STPG2: variants seen among roughly 807,000 people sequenced by gnomAD.
The protein encoded by STPG2 is sperm tail PG-rich repeat containing 2, also known as sperm-tail PG-rich repeat-containing protein 2.
In STPG2, 56 loss-of-function variants were observed where a neutral mutation model predicts 54.2. That is an observed-to-expected ratio of 1.03 (90% CI 0.83 to 1.29). The LOEUF (loss-of-function observed/expected upper bound fraction) is 1.29. Among genes scored for constraint, STPG2 ranks in the 50% most tolerant of loss-of-function variants. The pLI is 0.00. For synonymous variants in STPG2, 200 were observed against 181.8 expected (o/e 1.10, Z -0.81); for missense variants, 596 against 544.9 (o/e 1.09, Z -0.93).
intron 5 of STPG2, among the ~76,000 whole-genome samples, chr4:98,053,977 C>A (rs1737407607): frequency 6.6e-6 from 1 of 151,998 alleles, no homozygotes; most frequent in Non-Finnish European, 1.5e-5. Context: ...TAATTCAAAC[C>A]AAATTTATTA....
intron 4 of STPG2, among the ~76,000 whole-genome samples, chr4:97,459,700 C>T (rs1245144171): frequency 1.3e-5 from 2 of 152,084 alleles, no homozygotes; most frequent in Non-Finnish European, 2.9e-5. Context: ...CTCGGCCTCC[C>T]AAAGTGCTGG....
chr4:97,497,414 A>T (rs937065525), intron 4 of STPG2, among the ~76,000 whole-genome samples: 1 of 151,892 alleles, frequency 6.6e-6, no homozygotes, highest in Admixed American at 6.6e-5. Flanking sequence ...TTCTAGTATG[A>T]CAGAAAAAGG....
intron 8 of STPG2, among the ~76,000 whole-genome samples, chr4:97,913,060 A>C (rs1731742151): frequency 6.6e-6 from 1 of 152,236 alleles, no homozygotes; most frequent in Non-Finnish European, 1.5e-5. Context: ...TAACAACATA[A>C]TAGGTATTTT....
chr4:97,726,834 T>C (rs1359845460), intron 9 of STPG2, among the ~76,000 whole-genome samples: 1 of 150,396 alleles, frequency 6.6e-6, no homozygotes, highest in East Asian at 1.9e-4. Flanking sequence ...ACACACATAA[T>C]ACAAACATAC....
At chr4:97,441,682 C>T (rs1729086128) in intron 4 of STPG2, 1 of 151,784 alleles carries the variant, frequency 6.6e-6, no homozygotes, top group African/African-American at 2.4e-5. Context: ...TTTTTTCTAA[C>T]CAAATTAACT....
At chr4:97,641,694 G>GA (rs879709294) in intron 10 of STPG2, among the ~76,000 whole-genome samples, 10 of 147,540 alleles carry the variant, frequency 6.8e-5, no homozygotes, top group Non-Finnish European at 9.1e-5. Context: ...GGAAAAAAAT[G>GA]AAAAAAAAAT....
At chr4:97,471,102 C>T (rs188492022) in intron 4 of STPG2, among the ~76,000 whole-genome samples, 1 of 152,128 alleles carries the variant, frequency 6.6e-6, no homozygotes, top group Non-Finnish European at 1.5e-5. Flanking sequence ...TGGAGCAGGG[C>T]AGCCTGAGAT....
intron 10 of STPG2, among the ~76,000 whole-genome samples, chr4:97,696,626 C>A (rs908416609): frequency 2.0e-5 from 3 of 152,192 alleles, no homozygotes; most frequent in Admixed American, 6.5e-5. Flanking sequence ...ATCTATACAT[C>A]TGACAATGGA....
chr4:97,635,072 G>T (rs1721459318), intron 10 of STPG2, among the ~76,000 whole-genome samples: 1 of 152,068 alleles, frequency 6.6e-6, no homozygotes, highest in Middle Eastern at 3.4e-3. Context: ...AGGAAAAAAT[G>T]TTAAGGGCAG....
At chr4:97,906,044 C>T (rs775699972) in intron 8 of STPG2, among the ~76,000 whole-genome samples, 3 of 151,902 alleles carry the variant, frequency 2.0e-5, no homozygotes, top group Non-Finnish European at 2.9e-5. Context: ...AATAGAGACA[C>T]AAAAACCCTT....
chr4:98,123,478 T>C (rs1578181765), intron 3 of STPG2, among the ~76,000 whole-genome samples: 2 of 152,320 alleles, frequency 1.3e-5, no homozygotes, highest in Middle Eastern at 6.8e-3. Flanking sequence ...GTTGTTCAAT[T>C]TCCATATAGT....
chr4:97,910,846 A>C (rs965587386), intron 8 of STPG2, among the ~76,000 whole-genome samples: 7 of 152,206 alleles, frequency 4.6e-5, no homozygotes, highest in African/African-American at 1.7e-4. Context: ...AAAAATAAAA[A>C]TTAGGGGGCA....
At chr4:97,848,654 T>A (rs1007185217) in intron 8 of STPG2, among the ~76,000 whole-genome samples, 1 of 152,186 alleles carries the variant, frequency 6.6e-6, no homozygotes, top group Non-Finnish European at 1.5e-5. Context: ...AAATCTTTAA[T>A]CCATCGTGAA....
chr4:98,101,124 T>C (rs900982798), intron 5 of STPG2, among the ~76,000 whole-genome samples: 1 of 152,206 alleles, frequency 6.6e-6, no homozygotes, highest in African/African-American at 2.4e-5. Context: ...ATTTTTTCTT[T>C]GTTCATAGCA....
At chr4:98,108,058 G>C (rs1739237233) in intron 4 of STPG2, among the ~76,000 whole-genome samples, 1 of 152,102 alleles carries the variant, frequency 6.6e-6, no homozygotes, top group Non-Finnish European at 1.5e-5. Context: ...TAATGGATTA[G>C]AGTATAAATT....
intron 8 of STPG2, among the ~76,000 whole-genome samples, chr4:97,848,450 A>C (rs534449616): frequency 1.3e-5 from 2 of 152,248 alleles, no homozygotes; most frequent in Non-Finnish European, 1.5e-5. Flanking sequence ...CTATTCTCTC[A>C]AATTAGTGAA....
chr4:97,500,935 T>TAC lies in STPG2; in HGVS notation c.462+211763_462+211764insGT, dbSNP rs574022012. Reference sequence around the variant, plus strand: ...AGTTTGCAGTAAATGGAGACAGGGGTATGTAGCAATGACTGGAGAGAAAGG... The same window carrying TAC: ...AGTTTGCAGTAAATGGAGACAGGGGTACATGTAGCAATGACTGGAGAGAAAGG... On this transcript the variant is annotated intron_variant, in intron 4 of 4. Transcript: ENST00000522676. Among the ~76,000 whole-genome samples the TAC allele has an allele frequency of 1.1e-4, 16 of 151,982 alleles. No homozygotes were observed. The East Asian group carries it at 2.9e-3, about 28-fold the overall frequency.
At chr4:97,694,812 CAAAAAAAAAAAAAAAAAAAAAAA>C (rs70953083) in intron 10 of STPG2, among the ~76,000 whole-genome samples, 10 of 44,046 alleles carry the variant, frequency 2.3e-4, no homozygotes, top group South Asian at 2.9e-3. Flanking sequence ...GACTCTGTCA[CAAAAAAAAAAAAAAAAAAAAAAA>C]AAAAAAAAAA....
chr4:97,480,844 A>T (rs939906048), intron 4 of STPG2, among the ~76,000 whole-genome samples: 1 of 151,240 alleles, frequency 6.6e-6, no homozygotes, highest in African/African-American at 2.4e-5. Context: ...TTTTTAAAAC[A>T]TTTTTTTTCC....
Sources: allele counts gnomAD v4.1 joint callset (sites outside exome capture counted in the v4.1 genomes callset), GRCh38; gene constraint gnomAD v4.1.1; transcripts MANE v1.5; gene names NCBI Gene and HGNC (gene_info 2026-07-23, HGNC 2026-07-21).